Variants in SHANK1 observed in about 807,000 individuals in gnomAD.
SHANK1 encodes SH3 and multiple ankyrin repeat domains 1, also known as SH3 and multiple ankyrin repeat domains protein 1.
SHANK1 carries 35 observed loss-of-function variants against 165.6 expected under a neutral mutation model. The ratio of observed to expected loss-of-function variants is 0.21; its 90% CI spans 0.16 to 0.28. The LOEUF is 0.28. Ranked by LOEUF, SHANK1 falls within the 10% of genes least tolerant of loss-of-function variation. The probability of loss-of-function intolerance (pLI) is 1.00; values close to 1 mark genes in which losing one functional copy is unlikely to be tolerated. For missense variants in SHANK1, 2,681 were observed against 3,036.4 expected (o/e 0.88, Z 2.75); for synonymous variants, 1,428 against 1,384.8 (o/e 1.03, Z -0.69).
At chr19:50,712,627 T>A (rs1325906491) in intron 6 of SHANK1, among the ~76,000 whole-genome samples, 1 of 152,200 alleles carries the variant, frequency 6.6e-6, no homozygotes, top group Non-Finnish European at 1.5e-5. Flanking sequence ...TGGAGGCCAC[T>A]TCCTGCCCCC....
intron 12 of SHANK1, among the ~76,000 whole-genome samples, chr19:50,700,195 T>G (rs1377712154): frequency 3.1e-5 from 4 of 128,738 alleles, no homozygotes; most frequent in African/African-American, 1.2e-4. Flanking sequence ...CATTGGGAGA[T>G]TGGAGGACTC....
At position 50,686,066 on chromosome 19, in the gene SHANK1, A is replaced by G. The variant is rs1986321863; in HGVS notation, c.2577+171T>C. ...TTTGAGGGAAAGGGGATAAGGAGGA[A>G]AGGAGGTCTCCAAAGTTGGGAGAAA... On this transcript the variant is annotated intron_variant, in intron 21 of 23. Transcript: ENST00000293441. The surrounding 1 kb of genome is among the most constrained non-coding windows in gnomAD (Gnocchi z 5.7). 6.6e-6 allele frequency among the ~76,000 whole-genome samples: 1 copy of G among 152,064 alleles called. No homozygotes were observed. Among genetic ancestry groups the G allele is most frequent in the Non-Finnish European group, 1.5e-5 (1 of 67,990 alleles).
At chr19:50,680,065 GAC>G (rs931131988) in intron 21 of SHANK1, among the ~76,000 whole-genome samples, 2 of 151,874 alleles carry the variant, frequency 1.3e-5, no homozygotes, top group African/African-American at 4.8e-5. Flanking sequence ...GAGACAAGGA[GAC>G]ACAGAGACAG....
chr19:50,702,704 G>A lies in SHANK1; in HGVS notation c.1554-44C>T, dbSNP rs972849414. Reference sequence around the variant, plus strand: ...TGAGAGGAGGGGAGGGTGGAGGGAGGGGACACCTCTGGGAGGACAGGGGTC... The same window carrying A: ...TGAGAGGAGGGGAGGGTGGAGGGAGAGGACACCTCTGGGAGGACAGGGGTC... On this transcript the variant is annotated intron_variant, in intron 11 of 23. Coordinates refer to ENST00000293441, the MANE Select transcript of SHANK1 (RefSeq NM_016148.5). The surrounding 1 kb of genome is among the most constrained non-coding windows in gnomAD (Gnocchi z 5.3). 1 of 1,363,348 alleles carries A rather than the reference G, an allele frequency of 7.3e-7. No individual in the cohort carries two copies. Among genetic ancestry groups the A allele is most frequent in the Non-Finnish European group, 1.0e-6 (1 of 1,001,280 alleles). 84.5% of individuals were successfully genotyped at this position (1,363,348 alleles called of 1,614,324 possible).
intron 23 of SHANK1, among the ~76,000 whole-genome samples, chr19:50,664,826 C>T (rs1311939395): frequency 6.6e-6 from 1 of 152,188 alleles, no homozygotes; most frequent in Non-Finnish European, 1.5e-5. Context: ...GCAATCTTGG[C>T]TCACTGCAAC....
At chr19:50,694,450 G>A (rs1986657238) in intron 15 of SHANK1, among the ~76,000 whole-genome samples, 1 of 150,702 alleles carries the variant, frequency 6.6e-6, no homozygotes, top group African/African-American at 2.4e-5. Context: ...GATGTAGGCG[G>A]ATGCGGGTAA....
Position 50,687,988 on chromosome 19 carries a change from G to C in SHANK1, c.2243C>G (p.Thr748Arg), listed in dbSNP as rs764722293. 3.7e-6 allele frequency: 6 copies of C among 1,613,980 alleles called. No individual in the cohort carries two copies. In the South Asian group the frequency reaches 5.5e-5, roughly 15 times the overall value. ...GACCATCACCACCTTCACCATCAGCGTGTTGCCCCCTTGGCGGATCATGTT... is the reference window on the plus strand; with the variant it reads ...GACCATCACCACCTTCACCATCAGCCTGTTGCCCCCTTGGCGGATCATGTT... ...VVNMIRQGGN[T>R]LMVKVVMVTR... Residue 748 changes from threonine (T) to arginine (R), a missense_variant, in exon 18 of 24, where the codon ACG becomes AGG. By Grantham distance (71) the Thr-to-Arg change is moderately conservative. This residue lies in a region of SHANK1 where 147 missense variants were observed against 256.5 expected (regional missense o/e 0.57). Transcript: ENST00000293441.
chr19:50,714,287 C>T lies in SHANK1; in HGVS notation c.535G>A (p.Gly179Arg), dbSNP rs1485513413. 6.2e-7 allele frequency: 1 copy of T among 1,613,930 alleles called. No individual in the cohort carries two copies. Among genetic ancestry groups the T allele is most frequent in the African/African-American group, 1.3e-5 (1 of 75,018 alleles). ...ACATACTCCAGGAACTTCTTCAACCCCGTCTGAGCCATGGGCAAAGAGAGA... is the reference window on the plus strand; with the variant it reads ...ACATACTCCAGGAACTTCTTCAACCTCGTCTGAGCCATGGGCAAAGAGAGA... ...KQLAKLHTKT[G>R]LKKFLEYVQL... Residue 179 changes from glycine to arginine, a missense_variant, in exon 5 of 24, where the codon GGG (glycine) becomes AGG (arginine). Physicochemically the swap from Gly to Arg is moderately radical, Grantham distance 125. Around this residue, in one of 10 missense-constraint regions of SHANK1, gnomAD observed 189 missense variants for 440.9 expected, o/e 0.43. Transcript: ENST00000293441.
intron 11 of SHANK1, among the ~76,000 whole-genome samples, chr19:50,703,015 C>T (rs540160528): frequency 3.3e-5 from 5 of 152,294 alleles, no homozygotes; most frequent in East Asian, 3.9e-4. Flanking sequence ...CTCTGCCCGC[C>T]GTTGCCAGCC....
At chr19:50,711,640 G>A (rs2089012096) in intron 7 of SHANK1, among the ~76,000 whole-genome samples, 153 bp from the exon 8 acceptor site, 1 of 152,130 alleles carries the variant, frequency 6.6e-6, no homozygotes, top group Non-Finnish European at 1.5e-5. Context: ...TCCTGCTCTG[G>A]GACCCAGGCT....
At position 50,668,100 on chromosome 19, in the gene SHANK1, G is replaced by C; in HGVS notation, c.3860C>G (p.Ser1287Cys). ...APGPRLRHSKSIDEGMFSAEP... is the reference protein window; with the variant it reads ...APGPRLRHSKCIDEGMFSAEP... Reference sequence around the variant, plus strand: ...GGCGGAGAACATGCCCTCGTCGATGGATTTGGAGTGGCGCAGCCGCGGGCC... The same window carrying C: ...GGCGGAGAACATGCCCTCGTCGATGCATTTGGAGTGGCGCAGCCGCGGGCC... Residue 1287 changes from serine (S) to cysteine (C), a missense_variant, in exon 23 of 24, where the codon TCC becomes TGC. Ser to Cys is a moderately radical substitution (Grantham distance 112). Transcript: ENST00000293441. 1 of 1,480,462 alleles carries C rather than the reference G, an allele frequency of 6.8e-7. No individual in the cohort carries two copies. The highest frequency in any genetic ancestry group is 8.9e-7 in the Non-Finnish European group (1 of 1,121,068). The allele number at this position is 1,480,462 out of a possible 1,614,324, so 91.7% of individuals were successfully genotyped here.
chr19:50,693,497 C>T (rs898042341), intron 15 of SHANK1, among the ~76,000 whole-genome samples: 23 of 151,950 alleles, frequency 1.5e-4, no homozygotes, highest in Non-Finnish European at 2.9e-4. Context: ...CGACCCTGAG[C>T]GGCCTCCAGA....
At chr19:50,706,009 A>C (rs2088934840) in intron 8 of SHANK1, among the ~76,000 whole-genome samples, 1 of 152,106 alleles carries the variant, frequency 6.6e-6, no homozygotes, top group Non-Finnish European at 1.5e-5. Context: ...ATTTTAAAAA[A>C]TTAGCCTGGC....
chr19:50,660,051 T>C lies in SHANK1; in HGVS notation c.*1914A>G, dbSNP rs1279927550. Among the ~76,000 whole-genome samples, 2 of 135,844 alleles carry C rather than the reference T, an allele frequency of 1.5e-5. No individual in the cohort carries two copies. The highest frequency in any genetic ancestry group is 3.2e-5 in the Non-Finnish European group (2 of 63,478). The allele number at this position is 135,844 out of a possible 152,430, so 89.1% of individuals were successfully genotyped here. A position where few individuals can be genotyped will look rare whatever the true frequency, so the allele number is the denominator to read the frequency against. ...ACGGAGCGCCCCCCCCTCTCGGGGG[T>C]AGGGGGCAGCAGAGGGGGAATGGGC... On this transcript the variant is annotated 3_prime_UTR_variant, in exon 24 of 24. Coordinates refer to ENST00000293441, the MANE Select transcript of SHANK1 (RefSeq NM_016148.5).
Position 50,668,201 on chromosome 19 carries a change from G to T in SHANK1, c.3759C>A (p.Arg1253=). 1 of 1,494,682 alleles carries T rather than the reference G, an allele frequency of 6.7e-7. No homozygotes were observed. Among genetic ancestry groups the T allele is most frequent in the Non-Finnish European group, 8.8e-7 (1 of 1,134,966 alleles). 92.6% of individuals were successfully genotyped at this position (1,494,682 alleles called of 1,614,324 possible). The change falls in exon 23 of 24, where the codon CGC becomes CGA. Residue 1253 remains arginine (R), a synonymous_variant. Transcript: ENST00000293441. ...CGTCGGTGGACAGGAACAGCGTGGAGCGCCGGCGCGCCTCATTCTGCCAGC... is the reference window on the plus strand; with the variant it reads ...CGTCGGTGGACAGGAACAGCGTGGATCGCCGGCGCGCCTCATTCTGCCAGC... ...EGGWQNEARR[R]STLFLSTDAG... is the part of the protein sequence containing the mutation.
At chr19:50,696,983 C>G (rs562625993) in intron 15 of SHANK1, 113 bp downstream of exon 15, 5 of 871,646 alleles carry the variant, frequency 5.7e-6, no homozygotes, top group Non-Finnish European at 9.7e-6. Context: ...CAGAGACACA[C>G]GTTCACACAC....
intron 10 of SHANK1, 42 bp downstream of exon 10, chr19:50,704,078 C>G: frequency 6.2e-7 from 1 of 1,602,594 alleles, no homozygotes; most frequent in South Asian, 1.1e-5. Flanking sequence ...AAACCTCAAC[C>G]GCCCCAGGTT....
Position 50,717,739 on chromosome 19 carries a change from C to A in SHANK1, c.-43-777G>T, listed in dbSNP as rs3810282. On this transcript the variant is annotated intron_variant, in intron 1 of 23. Coordinates refer to ENST00000293441, the MANE Select transcript of SHANK1 (RefSeq NM_016148.5). This position sits in a 1 kb window ranked among gnomAD's most constrained non-coding sequence, Gnocchi z 5.5. ...TCCAGGTGACAGTGGTGTGGTGGCC[C>A]GGGTAGATGTGGGTGGCTGCAGATG... Among the ~76,000 whole-genome samples, 21,008 of 151,488 alleles carry A rather than the reference C, an allele frequency of 0.14. 2,120 individuals carry two copies. The highest frequency in any genetic ancestry group is 0.28 in the African/African-American group (11,495 of 41,236).
chr19:50,677,872 C>T (rs555279060), intron 21 of SHANK1, among the ~76,000 whole-genome samples: 43 of 152,344 alleles, frequency 2.8e-4, no homozygotes, highest in Non-Finnish European at 5.4e-4. Context: ...AATCCTTCTC[C>T]ACTTTGCTGA....
Sources: gnomAD v4.1 joint callset for allele counts (sites outside exome capture counted in the v4.1 genomes callset) on GRCh38, gnomAD v4.1.1 for gene constraint, gnomAD v4.1.1 regional missense constraint, Gnocchi (gnomAD v3.1) non-coding constraint, MANE v1.5 for transcripts, NCBI Gene and HGNC (gene_info 2026-07-23, HGNC 2026-07-21) for gene names.